PTPRM: variants seen among roughly 807,000 people sequenced by gnomAD.
The protein encoded by PTPRM is protein tyrosine phosphatase receptor type M.
A neutral mutation model predicts 186.7 loss-of-function variants in PTPRM; 47 were observed. The observed-to-expected ratio is 0.25, with a 90% CI of 0.20 to 0.32. PTPRM has a LOEUF of 0.32. Ranked by LOEUF, PTPRM falls within the 10% of genes least tolerant of loss-of-function variation. The probability of loss-of-function intolerance (pLI) is 1.00; values close to 1 mark genes in which losing one functional copy is unlikely to be tolerated. For synonymous variants in PTPRM, 668 were observed against 674.9 expected, an observed-to-expected ratio of 0.99 and a Z score of 0.16; for missense variants, 1,494 against 1,865.0, an observed-to-expected ratio of 0.80 and a Z score of 3.66.
Position 8,349,447 on chromosome 18 carries a change from T to A in PTPRM, c.3054+5927T>A, listed in dbSNP as rs902329628. Among the ~76,000 whole-genome samples, 10 of 152,326 alleles carry A rather than the reference T, an allele frequency of 6.6e-5. 1 individual carries two copies. The highest frequency in any genetic ancestry group is 2.6e-4 in the Admixed American group (4 of 15,306). On this transcript the variant is annotated intron_variant, in intron 23 of 32. Transcript: ENST00000580170. ...TTCATAAACTGATATTTAAGATTGA[T>A]CTTTTGTGACCTGTGTAATTACAGT...
At chr18:8,209,773 T>C (rs540457391) in intron 14 of PTPRM, among the ~76,000 whole-genome samples, 3 of 151,696 alleles carry the variant, frequency 2.0e-5, no homozygotes, top group African/African-American at 4.8e-5. Flanking sequence ...AGTCGAACAA[T>C]GAGAACACAT....
chr18:8,317,175 A>G (rs772259376), intron 21 of PTPRM, among the ~76,000 whole-genome samples: 4 of 151,054 alleles, frequency 2.6e-5, no homozygotes, highest in Non-Finnish European at 5.9e-5. Flanking sequence ...GAAGCCTGCT[A>G]TGTGGCTGTG....
intron 7 of PTPRM, among the ~76,000 whole-genome samples, chr18:7,972,797 T>C (rs2054651905): frequency 6.6e-6 from 1 of 152,076 alleles, no homozygotes; most frequent in Non-Finnish European, 1.5e-5. Flanking sequence ...GGTAACAGAT[T>C]CCCTCCTCTT....
chr18:8,006,633 T>C (rs762033955), intron 7 of PTPRM, among the ~76,000 whole-genome samples: 40 of 152,192 alleles, frequency 2.6e-4, no homozygotes, highest in Non-Finnish European at 4.3e-4. Flanking sequence ...GAGGATCTTA[T>C]ATTCCCAAAA....
chr18:8,092,059 G>C (rs1351210750), intron 11 of PTPRM, among the ~76,000 whole-genome samples: 1 of 151,944 alleles, frequency 6.6e-6, no homozygotes, highest in East Asian at 1.9e-4. Context: ...CAATTGATTT[G>C]ATTTTTTTTT....
chr18:8,182,326 A>G (rs1271001743), intron 14 of PTPRM, among the ~76,000 whole-genome samples: 1 of 152,196 alleles, frequency 6.6e-6, no homozygotes, highest in African/African-American at 2.4e-5. Flanking sequence ...AGTGGCAAAC[A>G]TAGTATCCAA....
intron 29 of PTPRM, among the ~76,000 whole-genome samples, chr18:8,381,890 G>A (rs1038016781): frequency 6.6e-6 from 1 of 152,160 alleles, no homozygotes; most frequent in African/African-American, 2.4e-5. Flanking sequence ...AGATATTTTT[G>A]TTCATATTAG....
chr18:7,699,643 C>A (rs1241055874), intron 1 of PTPRM, among the ~76,000 whole-genome samples: 1 of 152,014 alleles, frequency 6.6e-6, no homozygotes, highest in Non-Finnish European at 1.5e-5. Flanking sequence ...CTCCTGACTG[C>A]AGGTGATCTG....
intron 19 of PTPRM, among the ~76,000 whole-genome samples, chr18:8,275,219 A>G (rs985462987): frequency 6.6e-6 from 1 of 152,032 alleles, no homozygotes; most frequent in Non-Finnish European, 1.5e-5. Context: ...CCGGGGAATC[A>G]CTTGGGCCCA....
intron 13 of PTPRM, among the ~76,000 whole-genome samples, chr18:8,125,405 G>T (rs1458907667): frequency 6.6e-6 from 1 of 151,936 alleles, no homozygotes; most frequent in Non-Finnish European, 1.5e-5. Flanking sequence ...ACCCAGTACT[G>T]TATATACACA....
At chr18:7,907,042 C>T (rs1000160340) in intron 4 of PTPRM, among the ~76,000 whole-genome samples, 2 of 152,136 alleles carry the variant, frequency 1.3e-5, no homozygotes, top group African/African-American at 4.8e-5. Flanking sequence ...CCTACCTAAA[C>T]CACCTGGGGA....
At chr18:8,179,477 CT>C (rs1172800628) in intron 14 of PTPRM, among the ~76,000 whole-genome samples, 394 of 123,692 alleles carry the variant, frequency 3.2e-3, no homozygotes, top group Middle Eastern at 0.017. Context: ...TTTTTCTTTT[CT>C]TTTTTTTTTT....
intron 1 of PTPRM, among the ~76,000 whole-genome samples, chr18:7,717,538 C>T (rs2040362323): frequency 1.3e-5 from 2 of 152,188 alleles, no homozygotes; most frequent in Admixed American, 6.5e-5. Flanking sequence ...GACAAAAGCT[C>T]GGGATCCATT....
intron 3 of PTPRM, among the ~76,000 whole-genome samples, chr18:7,900,084 G>A (rs1301005660): frequency 6.6e-6 from 1 of 152,214 alleles, no homozygotes; most frequent in Non-Finnish European, 1.5e-5. Flanking sequence ...AGTATTGATG[G>A]TGCATTGGTG....
intron 14 of PTPRM, among the ~76,000 whole-genome samples, chr18:8,196,159 G>A (rs1255004476): frequency 1.3e-5 from 2 of 152,182 alleles, no homozygotes; most frequent in African/African-American, 4.8e-5. Context: ...CTGGCAGTGA[G>A]GAAGTTTTGT....
intron 7 of PTPRM, among the ~76,000 whole-genome samples, chr18:8,052,002 C>A (rs950843450): frequency 2.0e-5 from 3 of 152,072 alleles, no homozygotes; most frequent in Admixed American, 2.0e-4. Flanking sequence ...AGGGATACAG[C>A]CTGCACTCTG....
At chr18:7,588,306 C>T (rs758296191) in intron 1 of PTPRM, among the ~76,000 whole-genome samples, 1 of 152,114 alleles carries the variant, frequency 6.6e-6, no homozygotes, top group Non-Finnish European at 1.5e-5. Context: ...TTAATTCTTA[C>T]ATATTTAATC....
chr18:7,582,204 A>G (rs1027197627), intron 1 of PTPRM, among the ~76,000 whole-genome samples: 1 of 152,166 alleles, frequency 6.6e-6, no homozygotes, highest in African/African-American at 2.4e-5. Flanking sequence ...ACCATTTACT[A>G]TTCTTCATGT....
chr18:7,623,247 G>A (rs2037983330), intron 1 of PTPRM, among the ~76,000 whole-genome samples: 1 of 152,090 alleles, frequency 6.6e-6, no homozygotes. Context: ...TGTATTGGGT[G>A]TCAGAATCAC....
Sources: gnomAD v4.1 joint callset for allele counts (sites outside exome capture counted in the v4.1 genomes callset) on GRCh38, gnomAD v4.1.1 for gene constraint, MANE v1.5 for transcripts, NCBI Gene and HGNC (gene_info 2026-07-23, HGNC 2026-07-21) for gene names.